The following DDB1 variants were observed in gnomAD, a reference collection of about 807,000 sequenced individuals.
DDB1 encodes the protein DNA damage-binding protein 1.
In DDB1, 18 loss-of-function variants were observed where a neutral mutation model predicts 133.1. That is an observed-to-expected ratio of 0.14 (90% confidence interval 0.09 to 0.20). The LOEUF (loss-of-function observed/expected upper bound fraction) is 0.20, where lower values mean the gene tolerates loss of function less well. DDB1 is among the 10% of genes least tolerant of loss of function. The pLI is 1.00. For missense variants in DDB1, 828 were observed against 1,459.2 expected (o/e 0.57, Z 7.05); for synonymous variants, 580 against 550.5 (o/e 1.05, Z -0.75).
intron 4 of DDB1, 93 bp from the exon 5 acceptor site, chr11:61,326,986 A>C: frequency 1.2e-6 from 1 of 857,582 alleles, no homozygotes; most frequent in Non-Finnish European, 2.0e-6. Context: ...ACTACCCAGC[A>C]TCTGACAGTC....
At chr11:61,315,443 G>A (rs1270814207) in intron 12 of DDB1, 1 of 152,204 alleles carries the variant, frequency 6.6e-6, no homozygotes, top group African/African-American at 2.4e-5. Context: ...CAATGACTCA[G>A]TATCTGGGCA....
rs747705172 is a variant in DDB1 at position 61,316,378 on chromosome 11, A to G, written c.1317T>C (p.Asn439=). The stretch of plus-strand genomic sequence containing the variant: ...GTTCGGTTTCTTCTACCTCCTCTCC[A>G]TTTAACATGAGAACTCTGCAGCAGA... ...FVGQTRVLML[N]GEEVEETELM... Residue 439 remains asparagine, a synonymous_variant, in exon 12 of 27, where the codon AAT becomes AAC. Coordinates refer to ENST00000301764, the MANE Select transcript of DDB1 (RefSeq NM_001923.5). The G allele has an allele frequency of 6.2e-7, 1 of 1,614,036 alleles. No homozygotes were observed. The highest frequency in any genetic ancestry group is 8.5e-7 in the Non-Finnish European group (1 of 1,180,002).
At position 61,324,359 on chromosome 11, in the gene DDB1, T is replaced by A; in HGVS notation, c.763-222A>T. 6.0e-6 allele frequency: 3 copies of A among 502,850 alleles called. No homozygotes were observed. In the South Asian group the frequency reaches 7.1e-5, roughly 12 times the overall value. The allele number at this position is 502,850 out of a possible 1,614,324, so 31.1% of individuals were successfully genotyped here. A position where few individuals can be genotyped will look rare whatever the true frequency, so the allele number is the denominator to read the frequency against. ...TTTTCTGAGGCGCTCCATCAATATATCTTATATGTTTACTGATATGTCGTC... is the reference window on the plus strand; with the variant it reads ...TTTTCTGAGGCGCTCCATCAATATAACTTATATGTTTACTGATATGTCGTC... On this transcript the variant is annotated intron_variant, in intron 6 of 26. Transcript: ENST00000301764.
At position 61,302,691 on chromosome 11, in the gene DDB1, G is replaced by A. The variant is rs760779309; in HGVS notation, c.3003C>T (p.Gly1001=). The change falls in exon 24 of 27, where the codon GGC becomes GGT. Residue 1001 remains glycine (G), a synonymous_variant. Transcript: ENST00000301764. ...CGTGGCAAAAGACATTGACAAACTC[G>A]CCCAGGTGGAAAAGACCAACCTCCT... ...HLQEVGLFHL[G]EFVNVFCHGS... is the part of the protein sequence containing the mutation. The A allele has an allele frequency of 2.7e-5, 43 of 1,614,052 alleles. No homozygotes were observed. Among genetic ancestry groups the A allele is most frequent in the East Asian group, 4.5e-5 (2 of 44,896 alleles).
rs1302775775 is a variant in DDB1, at chr11:61,313,881, A to G, written c.1842T>C (p.Phe614=). Residue 614 remains phenylalanine, a synonymous_variant, in exon 15 of 27, where the codon TTT becomes TTC. Transcript: ENST00000301764. ...TCTCACCTGTCTCAATGTTGAGCCC[A>G]AAGTAGAAAAGCGCTCCATCTCCCA... ...CALGDGALFY[F]GLNIETGLLS... is the part of the protein sequence containing the mutation. The G allele has an allele frequency of 1.2e-6, 2 of 1,614,042 alleles. No homozygotes were observed. The highest frequency in any genetic ancestry group is 3.3e-5 in the Admixed American group (2 of 59,996).
In DDB1 at chr11:61,313,230, A is replaced by C. The variant is rs577191334; in HGVS notation, c.2069+269T>G. 7.2e-5 allele frequency among the ~76,000 whole-genome samples: 11 copies of C among 152,326 alleles called. No individual in the cohort carries two copies. In the South Asian group the frequency reaches 1.9e-3, roughly 26 times the overall value. On this transcript the variant is annotated intron_variant, in intron 16 of 26. Transcript: ENST00000301764. ...ATGATCTCTAAATTAGGGATTATGA[A>C]ACAGTCATCTGAATCACCTGATAAG...
At chr11:61,332,603 G>A (rs2512811) in intron 1 of DDB1, 285,498 of 313,408 alleles carry the variant, frequency 0.91, 135,048 homozygotes, top group Non-Finnish European at 1. Flanking sequence ...GCCAATCTCC[G>A]GGCCCAAACG....
chr11:61,302,202 T>C (rs1855808354), intron 25 of DDB1, 55 bp downstream of exon 25: 1 of 1,439,162 alleles, frequency 6.9e-7, no homozygotes. Context: ...TGACTCCGTG[T>C]GCCACATATG....
intron 12 of DDB1, 69 bp from the exon 13 acceptor site, chr11:61,314,555 G>C (rs71534292): frequency 6.7e-7 from 1 of 1,483,184 alleles, no homozygotes; most frequent in Admixed American, 2.1e-5. Context: ...TGGAAAGGTG[G>C]TAAATGCAGC....
intron 26 of DDB1, 73 bp downstream of exon 26, chr11:61,300,736 A>G (rs1374460164): frequency 6.3e-7 from 1 of 1,587,682 alleles, no homozygotes; most frequent in Non-Finnish European, 8.6e-7. Context: ...AGAGGTGCCC[A>G]GAGACAGTCT....
rs1332522557 is a variant in DDB1, at chr11:61,331,582, C to T, written c.171G>A (p.Met57Ile). ...GCTCCATGACCGCAATCTTCCCATA[C>T]ATGCCCACCTCTTTGACGGGCCGAA... ...EGLRPVKEVG[M>I]YGKIAVMELF... Residue 57 changes from methionine (M) to isoleucine (I), a missense_variant, in exon 2 of 27, where the codon ATG becomes ATA. By Grantham distance (10) the Met-to-Ile change is conservative. Coordinates refer to ENST00000301764, the MANE Select transcript of DDB1 (RefSeq NM_001923.5). 1.2e-6 allele frequency: 2 copies of T among 1,614,270 alleles called. No individual in the cohort carries two copies. Among genetic ancestry groups the T allele is most frequent in the Admixed American group, 1.7e-5 (1 of 60,038 alleles).
Position 61,311,814 on chromosome 11 carries a change from C to T in DDB1, c.2247G>A (p.Thr749=), listed in dbSNP as rs749392198. Residue 749 remains threonine (T), a synonymous_variant, in exon 18 of 27, where the codon ACG becomes ACA. Transcript: ENST00000301764. The part of the protein sequence containing the change: ...RIEVQDTSGG[T]TALRPSASTQ... ...TGCTAGCGCTGGGCCTCAAGGCTGT[C>T]GTGCCCCCACTCGTGTCTTGGACTT... The T allele has an allele frequency of 3.7e-6, 6 of 1,613,872 alleles. No individual in the cohort carries two copies. The highest frequency in any genetic ancestry group is 5.1e-6 in the Non-Finnish European group (6 of 1,179,916).
intron 21 of DDB1, 63 bp downstream of exon 21, chr11:61,308,920 G>A: frequency 6.6e-6 from 10 of 1,525,328 alleles, no homozygotes; most frequent in Non-Finnish European, 8.2e-6. Flanking sequence ...CAACCTAAGA[G>A]AGACACATTC....
chr11:61,319,494 C>T (rs1308570490), intron 10 of DDB1, among the ~76,000 whole-genome samples: 2 of 151,882 alleles, frequency 1.3e-5, no homozygotes, highest in African/African-American at 4.8e-5. Context: ...TGCAGTGGCA[C>T]GATCTCGGCT....
At chr11:61,332,304 T>C (rs1178967513) in intron 1 of DDB1, 1 of 153,198 alleles carries the variant, frequency 6.5e-6, no homozygotes, top group Non-Finnish European at 1.5e-5. Context: ...TGGGTTAAGA[T>C]GACTCTTCCC....
At chr11:61,322,677 A>G in intron 8 of DDB1, 1 of 543,536 alleles carries the variant, frequency 1.8e-6, no homozygotes, top group Non-Finnish European at 3.3e-6. Flanking sequence ...TTAATGTAAA[A>G]TGTTTGCATG....
Position 61,311,899 on chromosome 11 carries a change from C to T in DDB1, c.2166-4G>A, listed in dbSNP as rs1402333257. On this transcript the variant is annotated splice_region_variant and splice_polypyrimidine_tract_variant and intron_variant, in intron 17 of 26. Transcript: ENST00000301764. ...CACTTCCTGGTAGCAGATCTTCCTGCAGAACAAGTACAGAACAACAGTGTC... is the reference window on the plus strand; with the variant it reads ...CACTTCCTGGTAGCAGATCTTCCTGTAGAACAAGTACAGAACAACAGTGTC... The T allele has an allele frequency of 6.2e-7, 1 of 1,614,164 alleles. No individual in the cohort carries two copies. The highest frequency in any genetic ancestry group is 8.5e-7 in the Non-Finnish European group (1 of 1,180,014).
Position 61,312,235 on chromosome 11 carries a change from C to G in DDB1, c.2070-151G>C, listed in dbSNP as rs921710545. ...CCTGGAGAGACAGACAATTCTGATT[C>G]CTGGTCCCATCCACAAGATACTCTT... is the stretch of plus-strand genomic sequence containing the variant. On this transcript the variant is annotated intron_variant, in intron 16 of 26. Transcript: ENST00000301764. 7 of 678,424 alleles carry G rather than the reference C, an allele frequency of 1.0e-5. No homozygotes were observed. The Admixed American group carries it at 1.5e-4, about 15-fold the overall frequency. The allele number at this position is 678,424 out of a possible 1,614,324, so 42.0% of individuals were successfully genotyped here.
rs369232166 is a variant in DDB1, at chr11:61,306,644, CT to C, written c.2661+2338del. Reference sequence around the variant, plus strand: ...GCCTGGCATTACAAGTAACTGCACTCTTCCTGAATCTCGTGTCCTCCGCTCT... The same window carrying C: ...GCCTGGCATTACAAGTAACTGCACTCTCCTGAATCTCGTGTCCTCCGCTCT... On this transcript the variant is annotated intron_variant, in intron 21 of 26. Transcript: ENST00000301764. 3.2e-3 allele frequency among the ~76,000 whole-genome samples: 487 copies of C among 152,324 alleles called. 5 individuals are homozygous for C. Among genetic ancestry groups the C allele is most frequent in the African/African-American group, 0.011 (446 of 41,578 alleles).
Sources: gnomAD v4.1 joint callset for allele counts (sites outside exome capture counted in the v4.1 genomes callset) on GRCh38, gnomAD v4.1.1 for gene constraint, MANE v1.5 for transcripts, NCBI Gene and HGNC (gene_info 2026-07-23, HGNC 2026-07-21) for gene names.